Variants in ARAP2 observed in about 807,000 individuals in gnomAD.
The protein encoded by ARAP2 is arf-GAP with Rho-GAP domain, ANK repeat and PH domain-containing protein 2.
A neutral mutation model predicts 194.5 loss-of-function variants in ARAP2; 148 were observed. The ratio of observed to expected loss-of-function variants is 0.76; its 90% CI spans 0.67 to 0.87. ARAP2 has a LOEUF of 0.87. Among genes scored for constraint, ARAP2 ranks in the 40% least tolerant of loss-of-function variants. ARAP2 has a pLI of 0.00. For synonymous variants in ARAP2, 695 were observed against 683.5 expected (o/e 1.02, Z -0.26); for missense variants, 2,128 against 1,989.7 (o/e 1.07, Z -1.32).
Position 36,067,750 on chromosome 4 carries a change from C to T in ARAP2, c.*157G>A, listed in dbSNP as rs943490205. 8 of 727,494 alleles carry T rather than the reference C, an allele frequency of 1.1e-5. No homozygotes were observed. The highest frequency in any genetic ancestry group is 1.8e-5 in the African/African-American group (1 of 56,118). The allele number at this position is 727,494 out of a possible 1,614,324, so 45.1% of individuals were successfully genotyped here. On this transcript the variant is annotated 3_prime_UTR_variant, in exon 33 of 33. Coordinates refer to ENST00000303965, the MANE Select transcript of ARAP2 (RefSeq NM_015230.4). ...AATCTTACATTCAGTCACATATATA[C>T]ATATTTTTAAATGCTCCTTAAATGC...
intron 9 of ARAP2, among the ~76,000 whole-genome samples, chr4:36,175,792 A>T (rs1737767343): frequency 6.6e-6 from 1 of 152,198 alleles, no homozygotes; most frequent in Non-Finnish European, 1.5e-5. Context: ...TCTCATGTAT[A>T]TGGAAATGCT....
In ARAP2 at chr4:36,139,094, T is replaced by C. The variant is rs546630440; in HGVS notation, c.3264-5705A>G. ...ACACGTGTATTTTGAATAGTACCAG[T>C]GTATGATTTCATTTTATTAACCATG... is the stretch of plus-strand genomic sequence containing the variant. On this transcript the variant is annotated intron_variant, in intron 19 of 32. Coordinates refer to ENST00000303965, the MANE Select transcript of ARAP2 (RefSeq NM_015230.4). Among the ~76,000 whole-genome samples the C allele has an allele frequency of 2.9e-3, 391 of 132,982 alleles. 1 individual carries two copies. The highest frequency in any genetic ancestry group is 5.3e-3 in the Non-Finnish European group (298 of 55,744). 87.2% of individuals were successfully genotyped at this position (132,982 alleles called of 152,430 possible). A position where few individuals can be genotyped will look rare whatever the true frequency, so the allele number is the denominator to read the frequency against.
intron 2 of ARAP2, among the ~76,000 whole-genome samples, chr4:36,053,266 A>G (rs1173299921): frequency 6.6e-6 from 1 of 151,950 alleles, no homozygotes; most frequent in Non-Finnish European, 1.5e-5. Context: ...GGCCTCCCAA[A>G]GTGTTGGAAT....
chr4:36,149,623 AT>A (rs1202693386), intron 16 of ARAP2, among the ~76,000 whole-genome samples: 2 of 152,176 alleles, frequency 1.3e-5, no homozygotes, highest in Non-Finnish European at 2.9e-5. Flanking sequence ...GATATAAACT[AT>A]TCTTTTTTAT....
At chr4:36,059,437 T>G (rs1371004211) in intron 1 of ARAP2, among the ~76,000 whole-genome samples, 1 of 152,160 alleles carries the variant, frequency 6.6e-6, no homozygotes, top group Non-Finnish European at 1.5e-5. Context: ...TTGCCAATCA[T>G]TAGCTGAATA....
intron 2 of ARAP2, among the ~76,000 whole-genome samples, chr4:36,053,356 CTATCT>C (rs1278423560): frequency 2.0e-5 from 3 of 152,158 alleles, no homozygotes; most frequent in Admixed American, 1.3e-4. Flanking sequence ...TGAAATACAC[CTATCT>C]TAAGTGTACA....
rs1734950675 is a variant in ARAP2 at position 36,165,036 on chromosome 4, T to C, written c.2051A>G (p.Asp684Gly). Residue 684 changes from aspartate (D) to glycine (G), a missense_variant, in exon 11 of 33, where the codon GAT (aspartate) becomes GGT (glycine). Physicochemically the swap from Asp to Gly is moderately conservative, Grantham distance 94. Coordinates refer to ENST00000303965, the MANE Select transcript of ARAP2 (RefSeq NM_015230.4). ...CCAAATCTTCTCAGCTACTTCATAA[T>C]CAGAGAGAGTTTCTGCTATTGATTG... ...VQQSIAETLS[D>G]YEVAEKIWFN... 1.9e-6 allele frequency: 3 copies of C among 1,614,104 alleles called. No homozygotes were observed. Among genetic ancestry groups the C allele is most frequent in the Non-Finnish European group, 2.5e-6 (3 of 1,179,940 alleles).
intron 1 of ARAP2, among the ~76,000 whole-genome samples, chr4:36,059,854 A>C (rs543601943): frequency 2.4e-4 from 36 of 152,282 alleles, no homozygotes; most frequent in Admixed American, 3.3e-4. Flanking sequence ...ACAGTCATGA[A>C]TAAGGTTGTT....
At chr4:36,182,393 G>A (rs1739498424) in intron 8 of ARAP2, among the ~76,000 whole-genome samples, 1 of 152,130 alleles carries the variant, frequency 6.6e-6, no homozygotes, top group Admixed American at 6.6e-5. Context: ...TTCGGAGGCT[G>A]AGGTAGGAGA....
chr4:36,141,276 A>G (rs924043722), intron 19 of ARAP2, among the ~76,000 whole-genome samples: 2 of 151,602 alleles, frequency 1.3e-5, no homozygotes, highest in African/African-American at 2.4e-5. Context: ...TCTAAAAGAA[A>G]AGCACAGGAT....
In ARAP2 at chr4:36,191,473, G is replaced by C. The variant is rs558769233; in HGVS notation, c.1557+2105C>G. Among the ~76,000 whole-genome samples, 6 of 150,682 alleles carry C rather than the reference G, an allele frequency of 4.0e-5. No individual in the cohort carries two copies. The Admixed American group carries it at 4.0e-4, about 10-fold the overall frequency. ...ATATACTTAACAAGCAAAATACTAT[G>C]TCACTAAAACCTCAGAATGTTGTAG... On this transcript the variant is annotated intron_variant, in intron 7 of 32. Transcript: ENST00000303965.
chr4:36,071,893 T>G (rs945702695), intron 32 of ARAP2, among the ~76,000 whole-genome samples: 8 of 151,582 alleles, frequency 5.3e-5, no homozygotes, highest in Non-Finnish European at 8.8e-5. Flanking sequence ...ATATTCCCCT[T>G]CCTGTGTCCA....
At chr4:36,145,679 T>C (rs1269684699) in intron 19 of ARAP2, among the ~76,000 whole-genome samples, 1 of 151,908 alleles carries the variant, frequency 6.6e-6, no homozygotes, top group African/African-American at 2.4e-5. Flanking sequence ...GCCCCTTGAA[T>C]CCAAAATTAA....
chr4:36,243,383 C>CAAAAAA (rs71201008), intron 1 of ARAP2, among the ~76,000 whole-genome samples: 14 of 85,108 alleles, frequency 1.6e-4, no homozygotes, highest in African/African-American at 4.5e-4. Context: ...GACAAGCTTG[C>CAAAAAA]AAAAAAAAAA....
At chr4:36,214,814 T>C (rs1747551001) in intron 2 of ARAP2, among the ~76,000 whole-genome samples, 1 of 152,250 alleles carries the variant, frequency 6.6e-6, no homozygotes, top group Non-Finnish European at 1.5e-5. Flanking sequence ...AATGCTAATA[T>C]GCACATAAAG....
chr4:36,212,259 C>T, intron 5 of ARAP2, 137 bp downstream of exon 5: 1 of 621,988 alleles, frequency 1.6e-6, no homozygotes, highest in Non-Finnish European at 2.6e-6. Flanking sequence ...GCTATGCTTA[C>T]ATTTAGAGAG....
intron 2 of ARAP2, among the ~76,000 whole-genome samples, chr4:36,226,502 C>T (rs1664630128): frequency 6.6e-6 from 1 of 151,564 alleles, no homozygotes; most frequent in Admixed American, 6.6e-5. Context: ...AAAAACGTAT[C>T]TTTTAAGCCC....
At position 36,128,078 on chromosome 4, in the gene ARAP2, A is replaced by G. The variant is rs58224158; in HGVS notation, c.3640+455T>C. ...ATTAGATGGAATCTAGAATAAATGA[A>G]GCAAAAGTTAAAAAAATTGTTATAT... is the stretch of plus-strand genomic sequence containing the variant. On this transcript the variant is annotated intron_variant, in intron 21 of 32. Transcript: ENST00000303965. 5.3e-3 allele frequency among the ~76,000 whole-genome samples: 808 copies of G among 152,164 alleles called. 11 individuals are homozygous for G. Among genetic ancestry groups the G allele is most frequent in the African/African-American group, 0.018 (761 of 41,554 alleles).
At chr4:36,032,633 T>C (rs1277085469) in intron 5 of ARAP2, among the ~76,000 whole-genome samples, 2 of 152,210 alleles carry the variant, frequency 1.3e-5, no homozygotes, top group South Asian at 2.1e-4. Flanking sequence ...AGCATCATTA[T>C]GACATTTTCT....
Sources: gnomAD v4.1 joint callset for allele counts (sites outside exome capture counted in the v4.1 genomes callset) on GRCh38, gnomAD v4.1.1 for gene constraint, MANE v1.5 for transcripts, NCBI Gene and HGNC (gene_info 2026-07-23, HGNC 2026-07-21) for gene names.